The following COL21A1 variants were observed in gnomAD, a reference collection of about 807,000 sequenced individuals.
COL21A1 encodes the protein collagen type XXI alpha 1 chain.
Under a neutral mutation model 137.9 loss-of-function variants are expected in COL21A1, and 149 were observed. The observed-to-expected ratio is 1.08, with a 90% CI of 0.95 to 1.24. COL21A1 has a LOEUF of 1.24. Ranked by LOEUF, COL21A1 falls within the 50% of genes most tolerant of loss-of-function variation. COL21A1 has a pLI of 0.00. For synonymous variants in COL21A1, 456 were observed against 391.5 expected (o/e 1.16, Z -1.95); for missense variants, 1,167 against 1,158.4 (o/e 1.01, Z -0.11).
At chr6:56,068,786 A>G (rs754851403) in intron 22 of COL21A1, 26 of 283,784 alleles carry the variant, frequency 9.2e-5, no homozygotes, top group Non-Finnish European at 1.6e-4. Flanking sequence ...ACAGGATATT[A>G]CTTAATTGTA....
rs200958001 is a variant in COL21A1 at position 56,288,248 on chromosome 6, AT to A, written c.-38-105593del. Among the ~76,000 whole-genome samples the A allele has an allele frequency of 5.9e-3, 679 of 116,018 alleles. 4 individuals are homozygous for A. Among genetic ancestry groups the A allele is most frequent in the African/African-American group, 0.028 (622 of 21,972 alleles). The allele number at this position is 116,018 out of a possible 152,430, so 76.1% of individuals were successfully genotyped here. A position where few individuals can be genotyped will look rare whatever the true frequency, so the allele number is the denominator to read the frequency against. Reference sequence around the variant, plus strand: ...CTCCAGCTTATTACATTTTAAAAAAATAAAAGAAAAAAAAAAGGAAATGCTG... The same window carrying A: ...CTCCAGCTTATTACATTTTAAAAAAAAAAAGAAAAAAAAAAGGAAATGCTG... On this transcript the variant is annotated intron_variant, in intron 1 of 28. Coordinates refer to the COL21A1 transcript ENST00000370819.
chr6:56,151,910 G>A lies in COL21A1; in HGVS notation c.1434+4977C>T, dbSNP rs148257696. ...ACCACCCAACGTCACATTCCCTACAGAGGAAAAGAAATATGGGGGAAGTAG... is the reference window on the plus strand; with the variant it reads ...ACCACCCAACGTCACATTCCCTACAAAGGAAAAGAAATATGGGGGAAGTAG... On this transcript the variant is annotated intron_variant, in intron 10 of 29. Transcript: ENST00000244728. 4.2e-4 allele frequency among the ~76,000 whole-genome samples: 64 copies of A among 152,264 alleles called. No individual in the cohort carries two copies. In the East Asian group the frequency reaches 0.012, roughly 28 times the overall value.
intron 1 of COL21A1, among the ~76,000 whole-genome samples, chr6:56,331,340 A>G (rs1024073726): frequency 2.0e-5 from 3 of 151,350 alleles, no homozygotes; most frequent in African/African-American, 7.3e-5. Context: ...GGTCTTTGTC[A>G]TAAATTCTTT....
chr6:56,390,765 G>A (rs2094027916), intron 1 of COL21A1, among the ~76,000 whole-genome samples: 1 of 152,058 alleles, frequency 6.6e-6, no homozygotes, highest in African/African-American at 2.4e-5. Flanking sequence ...AATTCAGCAA[G>A]AAGATATTAC....
upstream of COL21A1, among the ~76,000 whole-genome samples, chr6:56,250,575 G>A (rs913055460): frequency 4.6e-5 from 7 of 152,156 alleles, no homozygotes; most frequent in Non-Finnish European, 7.3e-5. Flanking sequence ...AGATGACCCT[G>A]AGCCTAGATG....
intron 1 of COL21A1, among the ~76,000 whole-genome samples, chr6:56,255,644 G>C (rs1373124870): frequency 6.6e-6 from 1 of 152,194 alleles, no homozygotes; most frequent in Non-Finnish European, 1.5e-5. Context: ...TTGGCTCTCT[G>C]TGTGTCATAC....
intron 1 of COL21A1, among the ~76,000 whole-genome samples, chr6:56,215,112 T>C (rs1780402786): frequency 6.6e-6 from 1 of 152,074 alleles, no homozygotes; most frequent in Non-Finnish European, 1.5e-5. Flanking sequence ...TAAAGTATTG[T>C]TCTTCCCTTG....
chr6:56,121,512 G>A (rs2764054), intron 16 of COL21A1, among the ~76,000 whole-genome samples: 74,036 of 120,198 alleles, frequency 0.62, 20,611 homozygotes, highest in East Asian at 0.79. Context: ...ATTCATATGT[G>A]TATATATATA....
chr6:56,170,592 C>T (rs561829246), intron 5 of COL21A1, 57 bp downstream of exon 5: 3 of 1,207,780 alleles, frequency 2.5e-6, no homozygotes, highest in Admixed American at 4.2e-5. Context: ...CACACATAAA[C>T]CCAATAGTGC....
chr6:56,245,646 G>T (rs889819848), intron 1 of COL21A1, among the ~76,000 whole-genome samples: 15 of 152,188 alleles, frequency 9.9e-5, no homozygotes, highest in Admixed American at 9.8e-4. Flanking sequence ...GTACTAGTAC[G>T]CCCCACATTT....
chr6:56,230,864 C>T (rs1429595989), intron 1 of COL21A1, among the ~76,000 whole-genome samples: 2 of 151,834 alleles, frequency 1.3e-5, no homozygotes, highest in Non-Finnish European at 2.9e-5. Flanking sequence ...CATCTTAACT[C>T]TTAGTTTCTA....
intron 1 of COL21A1, among the ~76,000 whole-genome samples, chr6:56,357,381 AT>A (rs1233521013): frequency 1.3e-5 from 2 of 152,186 alleles, no homozygotes; most frequent in Admixed American, 6.5e-5. Context: ...TGTAGCTATC[AT>A]CGCCTGTCCA....
intron 1 of COL21A1, among the ~76,000 whole-genome samples, chr6:56,182,948 C>T (rs1016134904): frequency 1.3e-5 from 2 of 152,132 alleles, no homozygotes; most frequent in Non-Finnish European, 1.5e-5. Flanking sequence ...ATCCTTTGGG[C>T]GTAGCCTGTA....
At chr6:56,204,115 T>C (rs187788397) in intron 1 of COL21A1, among the ~76,000 whole-genome samples, 1 of 152,108 alleles carries the variant, frequency 6.6e-6, no homozygotes, top group Admixed American at 6.5e-5. Context: ...CAGTGTCACC[T>C]GGAACGCCAG....
Position 56,179,663 on chromosome 6 carries a change from C to T in COL21A1, c.555G>A (p.Lys185=), listed in dbSNP as rs1247421201. Reference sequence around the variant, plus strand: ...CATAAAACACATAAGTAGACGAAGGCTTGTTGGCAATAGCTCTAAGTTCGG... The same window carrying T: ...CATAAAACACATAAGTAGACGAAGGTTTGTTGGCAATAGCTCTAAGTTCGG... ...EDAELRAIAN[K]PSSTYVFYVE... The change falls in exon 3 of 30, where the codon AAG becomes AAA. Residue 185 remains lysine (K), a synonymous_variant. Coordinates refer to ENST00000244728, the MANE Select transcript of COL21A1 (RefSeq NM_030820.4). The T allele has an allele frequency of 3.1e-6, 5 of 1,613,910 alleles. No individual in the cohort carries two copies. In the African/African-American group the frequency reaches 4.0e-5, roughly 13 times the overall value.
At chr6:56,130,717 A>G (rs1395104030) in intron 12 of COL21A1, among the ~76,000 whole-genome samples, 1 of 152,186 alleles carries the variant, frequency 6.6e-6, no homozygotes, top group South Asian at 2.1e-4. Flanking sequence ...ATTTTTAAGT[A>G]TAATAAAAAG....
upstream of COL21A1, chr6:56,394,098 G>T (rs1258328128): frequency 6.6e-6 from 1 of 152,344 alleles, no homozygotes; most frequent in Non-Finnish European, 1.5e-5. Flanking sequence ...AGAACCAGGG[G>T]TGTGAGTGGG....
At chr6:56,172,572 T>C (rs1035766767) in intron 3 of COL21A1, among the ~76,000 whole-genome samples, 1 of 152,090 alleles carries the variant, frequency 6.6e-6, no homozygotes, top group African/African-American at 2.4e-5. Context: ...ATCAGCAACA[T>C]AAAAGCATAA....
chr6:56,197,833 C>A (rs138166663), intron 1 of COL21A1, among the ~76,000 whole-genome samples: 2 of 152,012 alleles, frequency 1.3e-5, no homozygotes, highest in Admixed American at 6.6e-5. Flanking sequence ...ACTATATGAA[C>A]CAGTAATTTT....
Sources: allele counts gnomAD v4.1 joint callset (sites outside exome capture counted in the v4.1 genomes callset), GRCh38; gene constraint gnomAD v4.1.1; transcripts MANE v1.5; gene names NCBI Gene and HGNC (gene_info 2026-07-23, HGNC 2026-07-21).